Variants in USH1C observed in about 807,000 individuals in gnomAD.
USH1C encodes the protein USH1 protein network component harmonin, also known as harmonin.
Under a neutral mutation model 119.3 loss-of-function variants are expected in USH1C, and 90 were observed. That is an observed-to-expected ratio of 0.75 (90% CI 0.64 to 0.90). The LOEUF is 0.90. USH1C is among the 40% of genes least tolerant of loss of function. The pLI is 0.00. For missense variants in USH1C, 1,165 were observed against 1,167.7 expected (o/e 1.00, Z 0.03); for synonymous variants, 465 against 443.3 (o/e 1.05, Z -0.62).
At chr11:17,539,532 T>C (rs765987279) in intron 1 of USH1C, among the ~76,000 whole-genome samples, 2 of 152,244 alleles carry the variant, frequency 1.3e-5, no homozygotes, top group Non-Finnish European at 2.9e-5. Context: ...TGGCAGGTAG[T>C]AAGTCCTGTG....
intron 14 of USH1C, among the ~76,000 whole-genome samples, chr11:17,520,597 C>T (rs1850365233): frequency 6.6e-6 from 1 of 152,122 alleles, no homozygotes; most frequent in South Asian, 2.1e-4. Context: ...GGCCCTTATT[C>T]CCTCTTCAGC....
At chr11:17,519,569 C>T (rs982542411) in intron 14 of USH1C, among the ~76,000 whole-genome samples, 3 of 152,182 alleles carry the variant, frequency 2.0e-5, no homozygotes, top group South Asian at 2.1e-4. Flanking sequence ...CAATTAAAAT[C>T]GATTTCTCTC....
At chr11:17,501,458 A>T (rs1299157134) in intron 22 of USH1C, 24 bp downstream of exon 22, 1 of 1,609,730 alleles carries the variant, frequency 6.2e-7, no homozygotes, top group African/African-American at 1.3e-5. Context: ...ATGGCGGCCC[A>T]CCGGCCTCCA....
chr11:17,521,237 G>T, intron 13 of USH1C, 109 bp downstream of exon 13: 1 of 1,223,176 alleles, frequency 8.2e-7, no homozygotes, highest in Non-Finnish European at 1.2e-6. Flanking sequence ...GACCCACCAG[G>T]GGATGAGAGA....
At chr11:17,507,305 G>A (rs1015585231) in intron 18 of USH1C, among the ~76,000 whole-genome samples, 5 of 152,230 alleles carry the variant, frequency 3.3e-5, no homozygotes, top group Non-Finnish European at 7.3e-5. Flanking sequence ...GATGTCGCTT[G>A]TGACATTTAT....
chr11:17,507,855 C>T (rs1220803542), intron 18 of USH1C, among the ~76,000 whole-genome samples: 6 of 152,168 alleles, frequency 3.9e-5, no homozygotes, highest in Non-Finnish European at 7.3e-5. Context: ...AGGCTCAGCT[C>T]GTAAGCCCTC....
intron 21 of USH1C, 25 bp downstream of exon 21, chr11:17,501,914 C>T: frequency 6.2e-7 from 1 of 1,612,622 alleles, no homozygotes; most frequent in South Asian, 1.1e-5. Context: ...GGTTACTTGT[C>T]CAGGAGAGAA....
chr11:17,533,707 C>A, intron 1 of USH1C: 2 of 480,666 alleles, frequency 4.2e-6, no homozygotes, highest in South Asian at 1.5e-5. Flanking sequence ...CAGAAGAAGC[C>A]CACTGTCTTA....
At position 17,521,388 on chromosome 11, in the gene USH1C, T is replaced by G; in HGVS notation, c.1043A>C (p.Lys348Thr). The part of the protein sequence containing the change: ...ERQRRKEIAQ[K>T]AAEENERYRK... ...GTATCTCTCATTTTCCTCTGCTGCC[T>G]TCTGGGCAATTTCTTTTCTCCTTCT... The change falls in exon 13 of 27, where the codon AAG becomes ACG. Residue 348 changes from lysine to threonine, a missense_variant. By Grantham distance (78) the Lys-to-Thr change is moderately conservative. Coordinates refer to ENST00000005226, the MANE Select transcript of USH1C (RefSeq NM_153676.4). 6.2e-7 allele frequency: 1 copy of G among 1,614,174 alleles called. No individual in the cohort carries two copies. The highest frequency in any genetic ancestry group is 8.5e-7 in the Non-Finnish European group (1 of 1,180,034).
At chr11:17,522,208 C>T (rs1396826865) in intron 12 of USH1C, among the ~76,000 whole-genome samples, 1 of 152,098 alleles carries the variant, frequency 6.6e-6, no homozygotes, top group East Asian at 1.9e-4. Context: ...AATTGCTCAC[C>T]CCATTTATTC....
intron 14 of USH1C, among the ~76,000 whole-genome samples, chr11:17,520,554 C>T (rs1393410044): frequency 2.0e-5 from 3 of 152,200 alleles, no homozygotes; most frequent in Non-Finnish European, 2.9e-5. Context: ...AACATTAGGA[C>T]GGTAATCCCA....
intron 1 of USH1C, chr11:17,533,811 C>T (rs1399462420): frequency 1.5e-5 from 7 of 455,310 alleles, no homozygotes; most frequent in South Asian, 1.1e-4. Flanking sequence ...AGCCCCTTAC[C>T]ACCGAATTCT....
intron 26 of USH1C, chr11:17,495,020 T>C (rs1330840608): frequency 9.2e-6 from 2 of 217,970 alleles, no homozygotes; most frequent in Non-Finnish European, 1.8e-5. Context: ...GCAACTCTAA[T>C]CCACCAACCC....
chr11:17,524,246 C>A (rs571500901), intron 9 of USH1C, among the ~76,000 whole-genome samples: 28 of 152,218 alleles, frequency 1.8e-4, no homozygotes, highest in Non-Finnish European at 4.0e-4. Context: ...TCGTGACCAA[C>A]AACTATCAGA....
At position 17,531,439 on chromosome 11, in the gene USH1C, G is replaced by C; in HGVS notation, c.208C>G (p.His70Asp). The C allele has an allele frequency of 6.2e-7, 1 of 1,614,108 alleles. No individual in the cohort carries two copies. The highest frequency in any genetic ancestry group is 8.5e-7 in the Non-Finnish European group (1 of 1,180,014). ...GTCAGCTGATCATATTCCACCTGGT[G>C]CTTCAGTGGGATCAGCGGCCGAATG... ...DAIRPLIPLK[H>D]QVEYDQLTPR... The change falls in exon 3 of 27, where the codon CAC becomes GAC. Residue 70 changes from histidine (H) to aspartate (D), a missense_variant. His to Asp is a moderately conservative substitution (Grantham distance 81). Transcript: ENST00000005226. The surrounding 1 kb of genome is among the most constrained non-coding windows in gnomAD (Gnocchi z 4.2).
intron 12 of USH1C, among the ~76,000 whole-genome samples, chr11:17,521,984 A>G (rs1046572380): frequency 6.6e-6 from 1 of 151,900 alleles, no homozygotes; most frequent in African/African-American, 2.4e-5. Context: ...GCATGCCACT[A>G]TGCCCAGCTA....
Position 17,523,443 on chromosome 11 carries a change from G to C in USH1C, c.795C>G (p.Asp265Glu). 1 of 1,614,230 alleles carries C rather than the reference G, an allele frequency of 6.2e-7. No homozygotes were observed. Among genetic ancestry groups the C allele is most frequent in the Non-Finnish European group, 8.5e-7 (1 of 1,180,038 alleles). Residue 265 changes from aspartate (D) to glutamate (E), a missense_variant, in exon 10 of 27, where the codon GAC (aspartate) becomes GAG (glutamate). By Grantham distance (45) the Asp-to-Glu change is conservative. Coordinates refer to ENST00000005226, the MANE Select transcript of USH1C (RefSeq NM_153676.4). ...CCTCCTTGTGATCCAGGTTAGAGAA[G>C]TCGACGCCATTGACTTCGACAATCT... ...GDQIVEVNGVDFSNLDHKEAV... is the reference protein window; with the variant it reads ...GDQIVEVNGVEFSNLDHKEAV...
chr11:17,528,877 T>G (rs1850833530), intron 4 of USH1C, among the ~76,000 whole-genome samples: 1 of 152,374 alleles, frequency 6.6e-6, no homozygotes, highest in Non-Finnish European at 1.5e-5. Flanking sequence ...GACTAACTCC[T>G]TCCACCTATT....
chr11:17,498,911 A>C (rs950086732), intron 23 of USH1C, among the ~76,000 whole-genome samples: 1 of 152,230 alleles, frequency 6.6e-6, no homozygotes, highest in Non-Finnish European at 1.5e-5. Flanking sequence ...GGTTCACCAT[A>C]ATATCCCCAG....
Sources: gnomAD v4.1 joint callset for allele counts (sites outside exome capture counted in the v4.1 genomes callset) on GRCh38, gnomAD v4.1.1 for gene constraint, Gnocchi (gnomAD v3.1) non-coding constraint, MANE v1.5 for transcripts, NCBI Gene and HGNC (gene_info 2026-07-23, HGNC 2026-07-21) for gene names.